SGCZ: variants seen among roughly 807,000 people sequenced by gnomAD.
The protein encoded by SGCZ is sarcoglycan zeta, also known as zeta-sarcoglycan.
In SGCZ, 40 loss-of-function variants were observed where a neutral mutation model predicts 41.3. The observed-to-expected ratio is 0.97, with a 90% confidence interval of 0.75 to 1.26. SGCZ has a LOEUF of 1.26. Ranked by LOEUF, SGCZ falls within the 50% of genes most tolerant of loss-of-function variation. The probability of loss-of-function intolerance (pLI) is 0.00; values close to 1 mark genes in which losing one functional copy is unlikely to be tolerated. For synonymous variants in SGCZ, 206 were observed against 137.5 expected, an observed-to-expected ratio of 1.50 and a Z score of -3.49; for missense variants, 552 against 369.8, an observed-to-expected ratio of 1.49 and a Z score of -4.04.
intron 1 of SGCZ, among the ~76,000 whole-genome samples, chr8:14,870,054 T>C (rs1315785890): frequency 6.6e-6 from 1 of 152,142 alleles, no homozygotes; most frequent in African/African-American, 2.4e-5. Flanking sequence ...CCATTGACTT[T>C]CTTCACAGAA....
chr8:15,001,034 T>C (rs1002847286), intron 1 of SGCZ, among the ~76,000 whole-genome samples: 3 of 152,218 alleles, frequency 2.0e-5, no homozygotes, highest in African/African-American at 7.2e-5. Context: ...ACTGAAGCTC[T>C]GGCAAAAGGG....
chr8:14,511,851 G>C (rs929996928), intron 2 of SGCZ, among the ~76,000 whole-genome samples: 1 of 152,048 alleles, frequency 6.6e-6, no homozygotes, highest in Non-Finnish European at 1.5e-5. Flanking sequence ...ACTCTTAAAG[G>C]ACAGGGTATC....
At chr8:14,742,846 A>AT (rs1404174026) in intron 1 of SGCZ, among the ~76,000 whole-genome samples, 1 of 152,068 alleles carries the variant, frequency 6.6e-6, no homozygotes, top group African/African-American at 2.4e-5. Context: ...CTTTATCACA[A>AT]TGTTGAATTT....
chr8:14,637,787 G>A (rs985372193), intron 1 of SGCZ, among the ~76,000 whole-genome samples: 1 of 151,750 alleles, frequency 6.6e-6, no homozygotes, highest in African/African-American at 2.4e-5. Flanking sequence ...AAATATGCAT[G>A]CATGTATCTT....
chr8:14,752,102 CGAAAACAAAA>C (rs67056526), intron 1 of SGCZ, among the ~76,000 whole-genome samples: 49,654 of 109,216 alleles, frequency 0.45, 9,289 homozygotes, highest in Non-Finnish European at 0.51. Flanking sequence ...GCCAAAATAC[CGAAAACAAAA>C]GAAAACAAAA....
chr8:15,056,982 T>C (rs1804730694), intron 1 of SGCZ, among the ~76,000 whole-genome samples: 1 of 152,198 alleles, frequency 6.6e-6, no homozygotes, highest in Non-Finnish European at 1.5e-5. Flanking sequence ...CACTCACCTC[T>C]GCCAGATTGC....
rs34411963 is a variant in SGCZ, at chr8:15,078,147, C to CTTTTTTTTT, written c.39+159429_39+159437dup. 4.7e-4 allele frequency among the ~76,000 whole-genome samples: 21 copies of CTTTTTTTTT among 44,806 alleles called. 4 individuals are homozygous for CTTTTTTTTT. Among genetic ancestry groups the CTTTTTTTTT allele is most frequent in the African/African-American group, 1.4e-3 (16 of 11,558 alleles). The allele number at this position is 44,806 out of a possible 152,430, so 29.4% of individuals were successfully genotyped here. ...TGACAGCCTGTTGGCAGGAACTCTT[C>CTTTTTTTTT]TTTTTTTTTTTTTTTTTTTTTTTTT... On this transcript the variant is annotated intron_variant, in intron 1 of 7. Transcript: ENST00000382080.
chr8:14,529,877 C>T (rs1321876373), intron 2 of SGCZ, among the ~76,000 whole-genome samples: 1 of 151,994 alleles, frequency 6.6e-6, no homozygotes, highest in Non-Finnish European at 1.5e-5. Context: ...TTTGTTGAAA[C>T]ACATTTCTAA....
intron 1 of SGCZ, among the ~76,000 whole-genome samples, chr8:14,629,554 G>A (rs78793849): frequency 1.3e-5 from 2 of 152,062 alleles, no homozygotes; most frequent in East Asian, 3.9e-4. Context: ...TAGTCAGCAA[G>A]AGGCTTGCCA....
intron 1 of SGCZ, among the ~76,000 whole-genome samples, chr8:14,646,130 G>A (rs1480262097): frequency 2.0e-5 from 3 of 151,942 alleles, no homozygotes; most frequent in African/African-American, 7.2e-5. Context: ...GCATGATGCT[G>A]AGGTTCAGGG....
intron 1 of SGCZ, among the ~76,000 whole-genome samples, chr8:14,898,410 T>C (rs1043384945): frequency 6.6e-6 from 1 of 152,214 alleles, no homozygotes; most frequent in East Asian, 1.9e-4. Context: ...GGAAATGCGT[T>C]GTAAGGCGGC....
intron 1 of SGCZ, among the ~76,000 whole-genome samples, chr8:14,986,843 C>T (rs1029521797): frequency 6.6e-6 from 1 of 151,756 alleles, no homozygotes; most frequent in Non-Finnish European, 1.5e-5. Context: ...CATAAATTGC[C>T]ACTGTATTTT....
At chr8:15,172,684 T>G (rs1799881241) in intron 1 of SGCZ, among the ~76,000 whole-genome samples, 1 of 152,314 alleles carries the variant, frequency 6.6e-6, no homozygotes, top group East Asian at 1.9e-4. Flanking sequence ...CACTTGGTCT[T>G]GGAGTCTATT....
intron 7 of SGCZ, among the ~76,000 whole-genome samples, chr8:14,090,859 C>T (rs1188923772): frequency 6.6e-6 from 1 of 151,984 alleles, no homozygotes; most frequent in Non-Finnish European, 1.5e-5. Flanking sequence ...TGACAGAAAG[C>T]CCTCAATCTG....
chr8:14,595,014 T>C (rs912597798), intron 1 of SGCZ, among the ~76,000 whole-genome samples: 1 of 151,992 alleles, frequency 6.6e-6, no homozygotes, highest in African/African-American at 2.4e-5. Flanking sequence ...TTTTTTTCTG[T>C]AGTAAAATAC....
intron 1 of SGCZ, among the ~76,000 whole-genome samples, chr8:14,625,193 C>A (rs73188107): frequency 0.15 from 22,740 of 152,066 alleles, 2,091 homozygotes; most frequent in Admixed American, 0.22. Context: ...ATAAGTTATT[C>A]TTATTTTAGT....
chr8:14,317,520 T>C (rs1801758121), intron 3 of SGCZ, among the ~76,000 whole-genome samples: 1 of 151,926 alleles, frequency 6.6e-6, no homozygotes, highest in South Asian at 2.1e-4. Context: ...CCCCAAATAA[T>C]AGCTTTTCCA....
chr8:14,635,348 T>C (rs930502009), intron 1 of SGCZ, among the ~76,000 whole-genome samples: 2 of 151,958 alleles, frequency 1.3e-5, no homozygotes, highest in African/African-American at 2.4e-5. Flanking sequence ...TATCCAACTA[T>C]ATTCTCATTT....
chr8:15,171,361 C>A (rs929061996), intron 1 of SGCZ, among the ~76,000 whole-genome samples: 1 of 152,184 alleles, frequency 6.6e-6, no homozygotes, highest in Non-Finnish European at 1.5e-5. Flanking sequence ...GGAAACAGAT[C>A]TAGAAACATA....
Sources: gnomAD v4.1 joint callset for allele counts (sites outside exome capture counted in the v4.1 genomes callset) on GRCh38, gnomAD v4.1.1 for gene constraint, MANE v1.5 for transcripts, NCBI Gene and HGNC (gene_info 2026-07-23, HGNC 2026-07-21) for gene names.